Variants in YIPF7 observed in about 807,000 individuals in gnomAD.
YIPF7 encodes protein YIPF7.
A neutral mutation model predicts 27.2 loss-of-function variants in YIPF7; 35 were observed. The observed-to-expected ratio is 1.29, with a 90% confidence interval of 0.98 to 1.70. YIPF7 has a LOEUF of 1.70. Ranked by LOEUF, YIPF7 falls within the 40% of genes most tolerant of loss-of-function variation. YIPF7 has a pLI of 0.00. For synonymous variants in YIPF7, 137 were observed against 110.4 expected, an observed-to-expected ratio of 1.24 and a Z score of -1.51; for missense variants, 358 against 303.7, an observed-to-expected ratio of 1.18 and a Z score of -1.33.
intron 2 of YIPF7, among the ~76,000 whole-genome samples, chr4:44,643,074 G>T (rs538079540): frequency 5.3e-5 from 8 of 152,220 alleles, no homozygotes; most frequent in African/African-American, 1.9e-4. Flanking sequence ...AAGAAGACAG[G>T]AAGATGAGGA....
intron 2 of YIPF7, among the ~76,000 whole-genome samples, chr4:44,646,009 A>T (rs1476249798): frequency 1.3e-5 from 2 of 152,198 alleles, no homozygotes; most frequent in Non-Finnish European, 2.9e-5. Context: ...ATATGCTTCT[A>T]TATTTTCCAA....
intron 4 of YIPF7, among the ~76,000 whole-genome samples, chr4:44,628,443 G>C (rs189348134): frequency 7.9e-5 from 12 of 152,254 alleles, no homozygotes; most frequent in Admixed American, 7.8e-4. Context: ...GGAACATGAA[G>C]AGCAGGAAAA....
intron 3 of YIPF7, among the ~76,000 whole-genome samples, chr4:44,633,539 A>T (rs1477312594): frequency 2.6e-5 from 4 of 152,224 alleles, no homozygotes; most frequent in Non-Finnish European, 4.4e-5. Flanking sequence ...GGATAATTTT[A>T]AAATGTGAGC....
chr4:44,624,819 A>T, intron 4 of YIPF7, 37 bp from the exon 5 acceptor site: 1 of 1,552,364 alleles, frequency 6.4e-7, no homozygotes, highest in Non-Finnish European at 8.7e-7. Context: ...TTGAACACAC[A>T]ATGGACACCG....
intron 2 of YIPF7, among the ~76,000 whole-genome samples, chr4:44,657,447 C>G (rs1291915378): frequency 6.6e-6 from 1 of 152,136 alleles, no homozygotes; most frequent in Non-Finnish European, 1.5e-5. Flanking sequence ...ATATAGTTGA[C>G]TGTCTGGTTT....
intron 4 of YIPF7, among the ~76,000 whole-genome samples, chr4:44,626,584 C>A (rs1712646807): frequency 6.6e-6 from 1 of 152,036 alleles, no homozygotes. Flanking sequence ...CTCATCATGT[C>A]TTTCTCTTGT....
At chr4:44,660,794 A>G (rs1177041852) in intron 1 of YIPF7, among the ~76,000 whole-genome samples, 1 of 152,194 alleles carries the variant, frequency 6.6e-6, no homozygotes, top group Non-Finnish European at 1.5e-5. Flanking sequence ...CAAGGGGACT[A>G]TTAGTGGAAG....
chr4:44,660,994 C>G (rs1454817317), intron 1 of YIPF7, among the ~76,000 whole-genome samples: 1 of 152,136 alleles, frequency 6.6e-6, no homozygotes, highest in South Asian at 2.1e-4. Context: ...CTTGCAGCAA[C>G]TTATAAGAAC....
chr4:44,623,266 G>C (rs1440085053), intron 5 of YIPF7, among the ~76,000 whole-genome samples: 1 of 152,218 alleles, frequency 6.6e-6, no homozygotes, highest in Non-Finnish European at 1.5e-5. Context: ...AGGAAGGGTG[G>C]TCGAGAGTGA....
At chr4:44,659,163 C>T (rs976364217) in intron 2 of YIPF7, among the ~76,000 whole-genome samples, 3 of 152,158 alleles carry the variant, frequency 2.0e-5, no homozygotes, top group African/African-American at 7.2e-5. Context: ...TTCATCCCTT[C>T]CCTTTTACAG....
upstream of YIPF7, among the ~76,000 whole-genome samples, chr4:44,655,124 GC>G (rs1461065953): frequency 6.6e-6 from 1 of 151,950 alleles, no homozygotes; most frequent in Non-Finnish European, 1.5e-5. Context: ...GCAACAATTT[GC>G]CATATACCTG....
intron 2 of YIPF7, among the ~76,000 whole-genome samples, chr4:44,657,761 C>T (rs6447364): frequency 0.54 from 82,493 of 151,578 alleles, 23,371 homozygotes; most frequent in Non-Finnish European, 0.64. Context: ...CCTACTGTAA[C>T]GATGCTGCTT....
At chr4:44,651,161 T>C (rs1042045515) in intron 1 of YIPF7, among the ~76,000 whole-genome samples, 1 of 152,200 alleles carries the variant, frequency 6.6e-6, no homozygotes, top group African/African-American at 2.4e-5. Context: ...AAGTAACAGT[T>C]GTCAAATATA....
At chr4:44,629,192 G>A (rs546448786) in intron 4 of YIPF7, 42 of 467,328 alleles carry the variant, frequency 9.0e-5, no homozygotes, top group African/African-American at 8.0e-4. Context: ...TCTGCTTCTT[G>A]ATTTTTGAAA....
chr4:44,626,333 C>A (rs925359303), intron 4 of YIPF7, among the ~76,000 whole-genome samples: 2 of 152,196 alleles, frequency 1.3e-5, no homozygotes, highest in African/African-American at 4.8e-5. Flanking sequence ...AAAATAGTGA[C>A]AATTTCACAT....
chr4:44,628,371 T>C (rs1712746111), intron 4 of YIPF7, among the ~76,000 whole-genome samples: 1 of 147,798 alleles, frequency 6.8e-6, no homozygotes, highest in Non-Finnish European at 1.5e-5. Flanking sequence ...TTTATTTAGT[T>C]GCAAATGCAT....
chr4:44,622,105 T>A lies in YIPF7; in HGVS notation c.*309A>T. 3.8e-6 allele frequency: 1 copy of A among 262,908 alleles called. No homozygotes were observed. Among genetic ancestry groups the A allele is most frequent in the Non-Finnish European group, 7.3e-6 (1 of 137,850 alleles). The allele number at this position is 262,908 out of a possible 1,614,324, so 16.3% of individuals were successfully genotyped here. On this transcript the variant is annotated 3_prime_UTR_variant, in exon 6 of 6. Coordinates refer to ENST00000415895, the MANE Select transcript of YIPF7 (RefSeq NM_182592.3). ...ACTAGAGATTTCCTTTTAGTAAACA[T>A]ATGAGTTTATTTACTTACTTTTCTC...
At chr4:44,661,543 C>A (rs529865923) in intron 1 of YIPF7, among the ~76,000 whole-genome samples, 2 of 151,814 alleles carry the variant, frequency 1.3e-5, no homozygotes, top group Non-Finnish European at 2.9e-5. Flanking sequence ...AAATTTCTTA[C>A]ACAAAGTTTG....
chr4:44,640,018 T>A (rs1713273518), intron 2 of YIPF7, among the ~76,000 whole-genome samples: 1 of 152,332 alleles, frequency 6.6e-6, no homozygotes, highest in Non-Finnish European at 1.5e-5. Context: ...TATTAAATCA[T>A]CCTTTCATCC....
Sources: gnomAD v4.1 joint callset for allele counts (sites outside exome capture counted in the v4.1 genomes callset) on GRCh38, gnomAD v4.1.1 for gene constraint, MANE v1.5 for transcripts, NCBI Gene and HGNC (gene_info 2026-07-23, HGNC 2026-07-21) for gene names.